The following MED12L variants were observed in gnomAD, a reference collection of about 807,000 sequenced individuals.
The protein encoded by MED12L is mediator complex subunit 12L, also known as mediator of RNA polymerase II transcription subunit 12-like protein.
MED12L carries 60 observed loss-of-function variants against 281.3 expected under a neutral mutation model. That is an observed-to-expected ratio of 0.21 (90% CI 0.17 to 0.26). The LOEUF (loss-of-function observed/expected upper bound fraction) is 0.26, where lower values mean the gene tolerates loss of function less well. Ranked by LOEUF, MED12L falls within the 10% of genes least tolerant of loss-of-function variation. The pLI, the probability that MED12L is intolerant of heterozygous loss-of-function variation, is 1.00. For synonymous variants in MED12L, 974 were observed against 987.2 expected, an observed-to-expected ratio of 0.99 and a Z score of 0.25; for missense variants, 2,146 against 2,680.9, an observed-to-expected ratio of 0.80 and a Z score of 4.41.
At chr3:151,185,595 A>T (rs1723162692) in intron 12 of MED12L, 134 bp downstream of exon 12, 14 of 905,286 alleles carry the variant, frequency 1.5e-5, no homozygotes, top group Non-Finnish European at 2.3e-5. Context: ...AAAAATTCAC[A>T]TAAGGAAGAT....
chr3:151,209,100 A>T (rs1726777598), intron 16 of MED12L, among the ~76,000 whole-genome samples: 1 of 152,172 alleles, frequency 6.6e-6, no homozygotes, highest in Non-Finnish European at 1.5e-5. Context: ...AAAAAGTAAC[A>T]AGTAGTCTTA....
At chr3:151,404,657 T>A (rs1397659616) in intron 39 of MED12L, among the ~76,000 whole-genome samples, 1 of 152,236 alleles carries the variant, frequency 6.6e-6, no homozygotes, top group Non-Finnish European at 1.5e-5. Context: ...CTTTTATTAC[T>A]TTTTTCCAAA....
At position 151,394,847 on chromosome 3, in the gene MED12L, C is replaced by G. The variant is rs1423380204; in HGVS notation, c.5800C>G (p.Gln1934Glu). The G allele has an allele frequency of 1.2e-6, 2 of 1,613,964 alleles. No homozygotes were observed. Among genetic ancestry groups the G allele is most frequent in the Non-Finnish European group, 1.7e-6 (2 of 1,180,046 alleles). Reference sequence around the variant, plus strand: ...GCAACAGCGACTTCTCAGGCAAGCCCAGACTCGGCCTTTCCAACAGGTTTG... The same window carrying G: ...GCAACAGCGACTTCTCAGGCAAGCCGAGACTCGGCCTTTCCAACAGGTTTG... ...QQQQRLLRQA[Q>E]TRPFQQGQPG... The change falls in exon 39 of 45, where the codon CAG becomes GAG. Residue 1934 changes from glutamine (Q) to glutamate (E), a missense_variant. Physicochemically the swap from Gln to Glu is conservative, Grantham distance 29 (BLOSUM62 2). Coordinates refer to ENST00000687756, the MANE Select transcript of MED12L (RefSeq NM_001393769.1).
At chr3:151,274,762 A>G (rs960902191) in intron 16 of MED12L, among the ~76,000 whole-genome samples, 6 of 152,170 alleles carry the variant, frequency 3.9e-5, no homozygotes, top group African/African-American at 1.4e-4. Flanking sequence ...AATGACTATC[A>G]ATTCCTAGGA....
chr3:151,411,511 A>G lies in MED12L; in HGVS notation c.6140+4A>G, dbSNP rs374609936. ...AGCCCCTGACTGGCTCTCAGAGGTG[A>G]TACATGTGGAAATGATGATGGCAAT... On this transcript the variant is annotated splice_donor_region_variant and intron_variant, in intron 41 of 44. Coordinates refer to ENST00000687756, the MANE Select transcript of MED12L (RefSeq NM_001393769.1). The G allele has an allele frequency of 9.1e-5, 146 of 1,612,816 alleles. No homozygotes were observed. The highest frequency in any genetic ancestry group is 1.2e-4 in the Non-Finnish European group (141 of 1,178,920).
chr3:151,108,744 G>A (rs558590589), intron 2 of MED12L, among the ~76,000 whole-genome samples: 3 of 152,238 alleles, frequency 2.0e-5, no homozygotes, highest in South Asian at 2.1e-4. Flanking sequence ...GAGTTTCTGC[G>A]CATGTTCTGT....
chr3:151,156,176 C>T lies in MED12L; in HGVS notation c.572C>T (p.Ser191Phe). The stretch of plus-strand genomic sequence containing the variant: ...TAAAATGCAGAGTGGACACAGATAT[C>T]TACCAGATATCTTCGAGAGCAGTTG... ...PDPNLEWTQI[S>F]TRYLREQLAK... The change falls in exon 6 of 45, where the codon TCT becomes TTT. Residue 191 changes from serine (S) to phenylalanine (F), a missense_variant. Transcript: ENST00000687756. 6.2e-7 allele frequency: 1 copy of T among 1,608,852 alleles called. No homozygotes were observed. Among genetic ancestry groups the T allele is most frequent in the South Asian group, 1.1e-5 (1 of 89,864 alleles).
chr3:151,406,664 A>C (rs926331839), intron 39 of MED12L, among the ~76,000 whole-genome samples: 1 of 152,240 alleles, frequency 6.6e-6, no homozygotes, highest in Non-Finnish European at 1.5e-5. Context: ...GTACCTGAAC[A>C]TGGTATAAAA....
At chr3:151,245,314 C>T (rs1223701512) in intron 16 of MED12L, among the ~76,000 whole-genome samples, 1 of 151,230 alleles carries the variant, frequency 6.6e-6, no homozygotes, top group Non-Finnish European at 1.5e-5. Flanking sequence ...GAGACACAAC[C>T]AACAAAGAGA....
intron 17 of MED12L, among the ~76,000 whole-genome samples, 186 bp downstream of exon 17, chr3:151,350,392 T>C (rs927655360): frequency 2.0e-5 from 3 of 152,108 alleles, no homozygotes; most frequent in Non-Finnish European, 4.4e-5. Context: ...GCAACCCTTG[T>C]ATTAAAATAT....
At position 151,365,220 on chromosome 3, in the gene MED12L, C is replaced by T. The variant is rs756228781; in HGVS notation, c.3185+14C>T. ...GGATGCTGGCAGGTGAGATGGGTTA[C>T]CCTGGAATTCATGATTAACCAAAGA... is the stretch of plus-strand genomic sequence containing the variant. On this transcript the variant is annotated intron_variant, in intron 22 of 44. Coordinates refer to ENST00000687756, the MANE Select transcript of MED12L (RefSeq NM_001393769.1). 83 of 1,598,620 alleles carry T rather than the reference C, an allele frequency of 5.2e-5. No homozygotes were observed. Among genetic ancestry groups the T allele is most frequent in the Non-Finnish European group, 6.4e-5 (75 of 1,166,308 alleles).
At chr3:151,258,871 A>G (rs1395594086) in intron 16 of MED12L, among the ~76,000 whole-genome samples, 4 of 151,496 alleles carry the variant, frequency 2.6e-5, no homozygotes, top group African/African-American at 9.7e-5. Context: ...AAAAAAAAAA[A>G]AAGTCCTTCC....
chr3:151,391,857 A>G (rs1714272919), intron 38 of MED12L, among the ~76,000 whole-genome samples: 1 of 152,224 alleles, frequency 6.6e-6, no homozygotes, highest in Admixed American at 6.5e-5. Context: ...GTAGGCTTTT[A>G]AAAATAGATT....
chr3:151,158,666 T>C (rs532296110), intron 6 of MED12L, 23 bp from the exon 7 acceptor site: 1 of 1,497,992 alleles, frequency 6.7e-7, no homozygotes, highest in Non-Finnish European at 9.3e-7. Context: ...ATTATTAATG[T>C]AATTTTTCTT....
intron 39 of MED12L, among the ~76,000 whole-genome samples, chr3:151,395,402 C>G (rs983705642): frequency 2.0e-5 from 3 of 152,160 alleles, no homozygotes; most frequent in Non-Finnish European, 4.4e-5. Flanking sequence ...TGGATACATT[C>G]AATTTAATTC....
At chr3:151,233,207 A>G (rs1732049003) in intron 16 of MED12L, among the ~76,000 whole-genome samples, 1 of 152,162 alleles carries the variant, frequency 6.6e-6, no homozygotes, top group Non-Finnish European at 1.5e-5. Context: ...TCACCTCCAC[A>G]GGGTAGCACT....
chr3:151,388,684 C>T (rs1713791019), intron 37 of MED12L, among the ~76,000 whole-genome samples: 1 of 152,106 alleles, frequency 6.6e-6, no homozygotes, highest in Non-Finnish European at 1.5e-5. Context: ...TCCTTCTTTA[C>T]CATGTTTTCA....
chr3:151,196,672 A>G (rs1404899447), intron 16 of MED12L, among the ~76,000 whole-genome samples: 1 of 152,218 alleles, frequency 6.6e-6, no homozygotes, highest in Admixed American at 6.5e-5. Context: ...AGTCATTTAC[A>G]CTGTGTCAGA....
At chr3:151,148,866 A>G (rs1239239795) in intron 5 of MED12L, among the ~76,000 whole-genome samples, 2 of 152,234 alleles carry the variant, frequency 1.3e-5, no homozygotes, top group Non-Finnish European at 2.9e-5. Context: ...TTATTGAAAA[A>G]GAATGGAAAG....
Sources: allele counts gnomAD v4.1 joint callset (sites outside exome capture counted in the v4.1 genomes callset), GRCh38; gene constraint gnomAD v4.1.1; transcripts MANE v1.5; gene names NCBI Gene and HGNC (gene_info 2026-07-23, HGNC 2026-07-21).